CBLN2: variants seen among roughly 807,000 people sequenced by gnomAD.
CBLN2 encodes the protein cerebellin-2.
A neutral mutation model predicts 15.0 loss-of-function variants in CBLN2; 7 were observed. That is an observed-to-expected ratio of 0.47 (90% CI 0.27 to 0.88). CBLN2 has a LOEUF of 0.88. Among genes scored for constraint, CBLN2 ranks in the 40% least tolerant of loss-of-function variants. The probability of loss-of-function intolerance (pLI) is 0.14; values close to 1 mark genes in which losing one functional copy is unlikely to be tolerated. For missense variants in CBLN2, 242 were observed against 304.5 expected, an observed-to-expected ratio of 0.79 and a Z score of 1.53; for synonymous variants, 149 against 135.2, an observed-to-expected ratio of 1.10 and a Z score of -0.71.
At chr18:72,625,787 ACT>A (rs374437409) in intron 1 of CBLN2, among the ~76,000 whole-genome samples, 1,789 of 79,292 alleles carry the variant, frequency 0.023, 24 homozygotes, top group African/African-American at 0.052. Flanking sequence ...TATATATATG[ACT>A]CTCTCTCTCT....
At chr18:72,619,271 G>A (rs2069683994) in intron 1 of CBLN2, 3 of 770,298 alleles carry the variant, frequency 3.9e-6, no homozygotes, top group Non-Finnish European at 6.4e-6. Flanking sequence ...CCAGAGAAGT[G>A]ACGGGGAAGC....
chr18:72,610,673 C>T (rs1340335850), intron 1 of CBLN2, among the ~76,000 whole-genome samples: 2 of 152,180 alleles, frequency 1.3e-5, no homozygotes, highest in African/African-American at 2.4e-5. Context: ...TCCTTTATAG[C>T]AGTTCCAAGT....
chr18:72,568,874 A>C (rs1167844533), intron 1 of CBLN2, among the ~76,000 whole-genome samples: 1 of 152,246 alleles, frequency 6.6e-6, no homozygotes, highest in Admixed American at 6.5e-5. Flanking sequence ...GATTATATTT[A>C]AAGTGTTTCC....
intron 1 of CBLN2, chr18:72,631,184 G>C (rs137995866): frequency 5.7e-4 from 86 of 152,186 alleles, no homozygotes; most frequent in African/African-American, 2.0e-3. Context: ...TTGTTGCCTA[G>C]CAACGGGAAC....
intron 1 of CBLN2, among the ~76,000 whole-genome samples, chr18:72,586,939 A>G (rs1031157380): frequency 6.6e-6 from 1 of 152,054 alleles, no homozygotes; most frequent in Admixed American, 6.6e-5. Context: ...TGTTCATACT[A>G]TAACTATGAT....
At chr18:72,605,339 T>C (rs959964565) in intron 1 of CBLN2, among the ~76,000 whole-genome samples, 22 of 152,220 alleles carry the variant, frequency 1.4e-4, no homozygotes, top group Non-Finnish European at 2.6e-4. Flanking sequence ...TTAATGGTTT[T>C]TTAAACAAAA....
chr18:72,561,408 C>G (rs1295111584), intron 1 of CBLN2, among the ~76,000 whole-genome samples: 1 of 152,114 alleles, frequency 6.6e-6, no homozygotes, highest in Non-Finnish European at 1.5e-5. Flanking sequence ...GTTTTAGGGC[C>G]TTACAGTAAA....
At chr18:72,618,065 A>G (rs1236609157) in intron 1 of CBLN2, among the ~76,000 whole-genome samples, 2 of 152,154 alleles carry the variant, frequency 1.3e-5, no homozygotes, top group African/African-American at 4.8e-5. Context: ...TTTCAAGTAG[A>G]GTTTGAGTAT....
At chr18:72,564,443 G>T (rs1277939181) in intron 1 of CBLN2, among the ~76,000 whole-genome samples, 1 of 152,058 alleles carries the variant, frequency 6.6e-6, no homozygotes, top group Non-Finnish European at 1.5e-5. Context: ...AAAAGTTCAA[G>T]CAGAAGAAAG....
chr18:72,552,373 T>A (rs906074364), intron 1 of CBLN2, among the ~76,000 whole-genome samples: 2 of 152,152 alleles, frequency 1.3e-5, no homozygotes, highest in African/African-American at 2.4e-5. Context: ...CATAAGCCAC[T>A]GAGCCCGGCC....
At chr18:72,575,213 G>T (rs1599006365) in intron 1 of CBLN2, among the ~76,000 whole-genome samples, 1 of 152,240 alleles carries the variant, frequency 6.6e-6, no homozygotes, top group South Asian at 2.1e-4. Context: ...GGAGGGTCTG[G>T]CATTGTTGCT....
chr18:72,592,578 C>G (rs117353403), intron 1 of CBLN2, among the ~76,000 whole-genome samples: 1 of 152,028 alleles, frequency 6.6e-6, no homozygotes, highest in East Asian at 1.9e-4. Flanking sequence ...ACTCCAATGT[C>G]CTGGAGATTT....
chr18:72,616,071 A>G (rs1369175728), intron 1 of CBLN2, among the ~76,000 whole-genome samples: 5 of 152,144 alleles, frequency 3.3e-5, no homozygotes, highest in Non-Finnish European at 5.9e-5. Context: ...TGTGTTCCTG[A>G]TAATGTTGAA....
chr18:72,579,013 C>G (rs915709790), intron 1 of CBLN2, among the ~76,000 whole-genome samples: 1 of 152,128 alleles, frequency 6.6e-6, no homozygotes, highest in Non-Finnish European at 1.5e-5. Context: ...TGTCACCAAG[C>G]CTTAGTCTAA....
At chr18:72,607,906 G>T (rs1401404440) in intron 1 of CBLN2, among the ~76,000 whole-genome samples, 1 of 152,150 alleles carries the variant, frequency 6.6e-6, no homozygotes, top group Non-Finnish European at 1.5e-5. Flanking sequence ...TCCAGCAGTA[G>T]TCTAATCAGT....
In CBLN2 at chr18:72,586,500, T is replaced by C. The variant is rs1447502286; in HGVS notation, c.16-47728A>G. On this transcript the variant is annotated intron_variant, in intron 1 of 2. Coordinates refer to the CBLN2 transcript ENST00000581073. ...AGTGACAGTGGAAAGAACATAACTG[T>C]CATGTGGGCTAGTTTTCTCAAAGAA... 2.0e-5 allele frequency among the ~76,000 whole-genome samples: 3 copies of C among 152,156 alleles called. No individual in the cohort carries two copies. In the East Asian group the frequency reaches 5.8e-4, roughly 29 times the overall value.
intron 1 of CBLN2, among the ~76,000 whole-genome samples, chr18:72,611,347 G>A (rs2069621074): frequency 6.6e-6 from 1 of 152,108 alleles, no homozygotes; most frequent in Admixed American, 6.6e-5. Context: ...TGAACCAATT[G>A]ACATTCCCAC....
At chr18:72,598,240 A>G (rs1006100928) in intron 1 of CBLN2, among the ~76,000 whole-genome samples, 2 of 152,184 alleles carry the variant, frequency 1.3e-5, no homozygotes, top group African/African-American at 4.8e-5. Flanking sequence ...TCAGGACCCA[A>G]GGGCTCTTTA....
In CBLN2 at chr18:72,602,608, G is replaced by A. The variant is rs576218021; in HGVS notation, c.15+35717C>T. ...GTCGGGGTGCCGCCGTGAAGGTGTT[G>A]TGCAGATGTGGTTGAAGCCCACGTT... On this transcript the variant is annotated intron_variant, in intron 1 of 2. Coordinates refer to the CBLN2 transcript ENST00000581073. Among the ~76,000 whole-genome samples the A allele has an allele frequency of 2.6e-5, 4 of 152,270 alleles. No individual in the cohort carries two copies. In the East Asian group the frequency reaches 7.7e-4, roughly 29 times the overall value.
Sources: allele counts gnomAD v4.1 joint callset (sites outside exome capture counted in the v4.1 genomes callset), GRCh38; gene constraint gnomAD v4.1.1; transcripts MANE v1.5; gene names NCBI Gene and HGNC (gene_info 2026-07-23, HGNC 2026-07-21).